The following CHST3 variants were observed in gnomAD, a reference collection of about 807,000 sequenced individuals.
The protein encoded by CHST3 is C6ST-1.
In CHST3, 20 loss-of-function variants were observed where a neutral mutation model predicts 35.4. That is an observed-to-expected ratio of 0.57 (90% CI 0.40 to 0.82). The LOEUF (loss-of-function observed/expected upper bound fraction) is 0.82. Ranked by LOEUF, CHST3 falls within the 40% of genes least tolerant of loss-of-function variation. The probability of loss-of-function intolerance (pLI) is 0.00; values close to 1 mark genes in which losing one functional copy is unlikely to be tolerated. For missense variants in CHST3, 693 were observed against 670.1 expected, an observed-to-expected ratio of 1.03 and a Z score of -0.38; for synonymous variants, 334 against 295.9, an observed-to-expected ratio of 1.13 and a Z score of -1.32.
intron 1 of CHST3, among the ~76,000 whole-genome samples, chr10:71,976,392 T>A (rs1270150994): frequency 6.6e-6 from 1 of 152,180 alleles, no homozygotes; most frequent in Non-Finnish European, 1.5e-5. Flanking sequence ...CCCATGCCTT[T>A]TAACGCGTGT....
rs1024540376 is a variant in CHST3 at position 72,010,102 on chromosome 10, T to C, written c.*1631T>C. 6.6e-6 allele frequency: 1 copy of C among 152,316 alleles called. No homozygotes were observed. Among genetic ancestry groups the C allele is most frequent in the African/African-American group, 2.4e-5 (1 of 41,442 alleles). The allele number at this position is 152,316 out of a possible 1,614,324, so 9.4% of individuals were successfully genotyped here. A position where few individuals can be genotyped will look rare whatever the true frequency, so the allele number is the denominator to read the frequency against. On this transcript the variant is annotated 3_prime_UTR_variant, in exon 3 of 3. Transcript: ENST00000373115. ...GCCTAGTGTCCAGAGCAGCAGAGATTTGCAGCCCTCGCCCCTCCCTGAGAA... is the reference window on the plus strand; with the variant it reads ...GCCTAGTGTCCAGAGCAGCAGAGATCTGCAGCCCTCGCCCCTCCCTGAGAA...
chr10:71,980,038 T>TG (rs1329227696), intron 1 of CHST3, among the ~76,000 whole-genome samples: 2 of 152,066 alleles, frequency 1.3e-5, no homozygotes, highest in African/African-American at 4.8e-5. Context: ...CTGTATCGGA[T>TG]GGGGAAAGAG....
chr10:71,999,686 AG>A (rs1326863395), intron 1 of CHST3, among the ~76,000 whole-genome samples: 2 of 152,234 alleles, frequency 1.3e-5, no homozygotes, highest in Non-Finnish European at 2.9e-5. Context: ...AGGCCGGAAC[AG>A]GCCGCAGTCC....
intron 1 of CHST3, among the ~76,000 whole-genome samples, chr10:71,986,898 C>T (rs115411617): frequency 2.0e-4 from 31 of 152,270 alleles, no homozygotes; most frequent in African/African-American, 7.2e-4. Flanking sequence ...TCCCAATTTT[C>T]GGAGCTCACA....
intron 1 of CHST3, among the ~76,000 whole-genome samples, chr10:71,979,503 C>T (rs4148927): frequency 0.14 from 21,692 of 151,322 alleles, 1,622 homozygotes; most frequent in African/African-American, 0.2. Context: ...GGTTTGGGCT[C>T]GGCCTTAAGG....
chr10:72,001,266 GCTGGACAAAA>G (rs1839990715), intron 1 of CHST3, among the ~76,000 whole-genome samples: 1 of 152,194 alleles, frequency 6.6e-6, no homozygotes, highest in African/African-American at 2.4e-5. Flanking sequence ...TATGCAGAGT[GCTGGACAAAA>G]CTGGGCCAAG....
At position 72,011,110 on chromosome 10, in the gene CHST3, A is replaced by G. The variant is rs1357994748; in HGVS notation, c.*2639A>G. 6.6e-6 allele frequency: 1 copy of G among 152,224 alleles called. No homozygotes were observed. The highest frequency in any genetic ancestry group is 1.5e-5 in the Non-Finnish European group (1 of 68,048). The allele number at this position is 152,224 out of a possible 1,614,324, so 9.4% of individuals were successfully genotyped here. On this transcript the variant is annotated 3_prime_UTR_variant, in exon 3 of 3. Coordinates refer to ENST00000373115, the MANE Select transcript of CHST3 (RefSeq NM_004273.5). ...CCAAATCAAGAAAGACAAAATAACAATAGAAACCATTCACACACTCCGTTC... is the reference window on the plus strand; with the variant it reads ...CCAAATCAAGAAAGACAAAATAACAGTAGAAACCATTCACACACTCCGTTC...
At chr10:71,980,502 C>T (rs1486998345) in intron 1 of CHST3, among the ~76,000 whole-genome samples, 2 of 152,224 alleles carry the variant, frequency 1.3e-5, no homozygotes, top group African/African-American at 4.8e-5. Flanking sequence ...TTGGCACAGC[C>T]TGCAGTTTGA....
intron 1 of CHST3, among the ~76,000 whole-genome samples, chr10:71,992,223 G>T (rs533655091): frequency 1.3e-5 from 2 of 152,056 alleles, no homozygotes; most frequent in African/African-American, 4.8e-5. Flanking sequence ...TTGCTCTGTT[G>T]CCCAGGCTGG....
chr10:71,983,958 C>T (rs1405133152), intron 1 of CHST3, among the ~76,000 whole-genome samples: 1 of 152,162 alleles, frequency 6.6e-6, no homozygotes, highest in Non-Finnish European at 1.5e-5. Context: ...TAGGGCGTAC[C>T]CAAAATAACA....
chr10:71,992,062 T>C (rs754837602), intron 1 of CHST3, among the ~76,000 whole-genome samples: 5 of 152,266 alleles, frequency 3.3e-5, no homozygotes, highest in African/African-American at 1.2e-4. Context: ...TCTGAGACTT[T>C]AGCAAGCGAC....
At chr10:71,990,971 G>C (rs1401524039) in intron 1 of CHST3, among the ~76,000 whole-genome samples, 1 of 152,088 alleles carries the variant, frequency 6.6e-6, no homozygotes, top group African/African-American at 2.4e-5. Flanking sequence ...TTTTTCTCTT[G>C]CGTCACATCT....
rs748944549 is a variant in CHST3 at position 72,007,510 on chromosome 10, A to G, written c.479A>G (p.Tyr160Cys). ...TTCAACCAGCAGGGCAACATCTTCT[A>G]CCTCTTCGAGCCGCTGTGGCACATC... is the stretch of plus-strand genomic sequence containing the variant. ...EFFNQQGNIF[Y>C]LFEPLWHIER... is the part of the protein sequence containing the mutation. Residue 160 changes from tyrosine to cysteine, a missense_variant, in exon 3 of 3, where the codon TAC becomes TGC. Tyr to Cys is a radical substitution (Grantham distance 194, BLOSUM62 -2). Transcript: ENST00000373115. 1.3e-6 allele frequency: 2 copies of G among 1,599,968 alleles called. No individual in the cohort carries two copies. Among genetic ancestry groups the G allele is most frequent in the South Asian group, 1.1e-5 (1 of 90,786 alleles).
chr10:71,990,070 T>C (rs1280216989), intron 1 of CHST3, among the ~76,000 whole-genome samples: 1 of 152,264 alleles, frequency 6.6e-6, no homozygotes, highest in Non-Finnish European at 1.5e-5. Flanking sequence ...TTGTTGTATA[T>C]GTCCTTGTTG....
At chr10:71,982,830 C>T (rs906782655) in intron 1 of CHST3, among the ~76,000 whole-genome samples, 4 of 152,318 alleles carry the variant, frequency 2.6e-5, no homozygotes, top group South Asian at 4.1e-4. Context: ...GAAACAGATA[C>T]GGGGCTGTCA....
In CHST3 at chr10:72,007,268, C is replaced by T. The variant is rs750283331; in HGVS notation, c.237C>T (p.Ser79=). 1 of 1,614,210 alleles carries T rather than the reference C, an allele frequency of 6.2e-7. No homozygotes were observed. Among genetic ancestry groups the T allele is most frequent in the South Asian group, 1.1e-5 (1 of 91,074 alleles). ...TAGCTGAGAACGCATCTCTCTTGTC[C>T]CTGAGCGAGCTCGATTCAGCCTTCT... ...LILAENASLL[S]LSELDSAFSQ... Residue 79 remains serine, a synonymous_variant, in exon 3 of 3, where the codon TCC becomes TCT. Transcript: ENST00000373115.
At chr10:71,982,934 G>A (rs553917922) in intron 1 of CHST3, among the ~76,000 whole-genome samples, 25 of 152,274 alleles carry the variant, frequency 1.6e-4, no homozygotes, top group Admixed American at 1.3e-3. Flanking sequence ...CAGGTTGTCC[G>A]ACCCCTTCTT....
intron 1 of CHST3, among the ~76,000 whole-genome samples, chr10:71,991,669 G>T (rs917867378): frequency 7.2e-5 from 11 of 152,022 alleles, no homozygotes; most frequent in Admixed American, 7.2e-4. Context: ...GCAGTGGCTC[G>T]CACCTGTAAT....
rs745999727 is a variant in CHST3 at position 72,007,806 on chromosome 10, C to T, written c.775C>T (p.Leu259=). ...CCGCTGCGGCCCCCTCAACGTGACG[C>T]TGGCCGCAGAGGCCTGCCGCCGCAA... is the stretch of plus-strand genomic sequence containing the variant. The part of the protein sequence containing the change: ...NRRCGPLNVT[L]AAEACRRKEH... The change falls in exon 3 of 3, where the codon CTG becomes TTG. Residue 259 remains leucine (L), a synonymous_variant. Transcript: ENST00000373115. 6.2e-7 allele frequency: 1 copy of T among 1,601,658 alleles called. No individual in the cohort carries two copies. Among genetic ancestry groups the T allele is most frequent in the Middle Eastern group, 1.7e-4 (1 of 6,052 alleles).
Sources: gnomAD v4.1 joint callset for allele counts (sites outside exome capture counted in the v4.1 genomes callset) on GRCh38, gnomAD v4.1.1 for gene constraint, MANE v1.5 for transcripts, NCBI Gene and HGNC (gene_info 2026-07-23, HGNC 2026-07-21) for gene names.